The following HERC1 variants were observed in gnomAD, a reference collection of about 807,000 sequenced individuals.
HERC1 encodes the protein HECT and RLD domain containing E3 ubiquitin protein ligase family member 1.
A neutral mutation model predicts 554.3 loss-of-function variants in HERC1; 160 were observed. The observed-to-expected ratio is 0.29, with a 90% CI of 0.25 to 0.33. The LOEUF is 0.33. Ranked by LOEUF, HERC1 falls within the 10% of genes least tolerant of loss-of-function variation. The pLI is 1.00. For synonymous variants in HERC1, 2,175 were observed against 2,131.7 expected (o/e 1.02, Z -0.56); for missense variants, 4,919 against 5,918.5 (o/e 0.83, Z 5.54).
chr15:63,705,803 G>A (rs1400285814), intron 25 of HERC1, among the ~76,000 whole-genome samples: 4 of 152,110 alleles, frequency 2.6e-5, no homozygotes, highest in African/African-American at 9.7e-5. Flanking sequence ...GCCAAGGTGG[G>A]AGGACTGCTT....
Position 63,666,436 on chromosome 15 carries a change from G to A in HERC1, c.8243C>T (p.Pro2748Leu). The A allele has an allele frequency of 6.2e-7, 1 of 1,613,546 alleles. No homozygotes were observed. The highest frequency in any genetic ancestry group is 8.5e-7 in the Non-Finnish European group (1 of 1,179,688). The change falls in exon 41 of 78, where the codon CCT becomes CTT. Residue 2748 changes from proline (P) to leucine (L), a missense_variant. Coordinates refer to ENST00000443617, the MANE Select transcript of HERC1 (RefSeq NM_003922.4). ...SDPSSRLSTS[P>L]PPPAIAVPLL... The stretch of plus-strand genomic sequence containing the variant: ...GGGAACTGCAATTGCTGGAGGAGGA[G>A]GAGAAGTTGAAAGTCTACTGCTTGG...
intron 66 of HERC1, among the ~76,000 whole-genome samples, 151 bp from the exon 67 acceptor site, chr15:63,634,121 A>C (rs1046813141): frequency 1.3e-5 from 2 of 152,264 alleles, no homozygotes; most frequent in Non-Finnish European, 2.9e-5. Flanking sequence ...AATGTTAACC[A>C]AAGTAAGTCA....
intron 1 of HERC1, among the ~76,000 whole-genome samples, chr15:63,804,292 A>G (rs574945645): frequency 6.6e-6 from 1 of 152,346 alleles, no homozygotes; most frequent in South Asian, 2.1e-4. Context: ...TTGTCCTTCA[A>G]AAAGTATTGC....
At chr15:63,661,052 T>C in intron 45 of HERC1, 27 bp from the exon 46 acceptor site, 1 of 1,579,388 alleles carries the variant, frequency 6.3e-7, no homozygotes, top group Non-Finnish European at 8.7e-7. Context: ...GAACATTGCA[T>C]TTTTATATAA....
chr15:63,645,174 T>G, intron 56 of HERC1, 77 bp from the exon 57 acceptor site: 2 of 1,035,450 alleles, frequency 1.9e-6, no homozygotes, highest in East Asian at 4.7e-5. Context: ...TGCAATCAAT[T>G]AAGATCTGAT....
intron 11 of HERC1, among the ~76,000 whole-genome samples, 188 bp downstream of exon 11, chr15:63,747,536 T>C (rs2075099304): frequency 6.6e-6 from 1 of 152,318 alleles, no homozygotes; most frequent in South Asian, 2.1e-4. Context: ...AAGTAACTTT[T>C]TCCTAGAAGT....
chr15:63,833,357 G>A (rs1226857185), intron 1 of HERC1, among the ~76,000 whole-genome samples: 1 of 152,120 alleles, frequency 6.6e-6, no homozygotes, highest in African/African-American at 2.4e-5. Flanking sequence ...GCCGGCGCCT[G>A]GGGACACCGG....
At position 63,666,015 on chromosome 15, in the gene HERC1, C is replaced by G; in HGVS notation, c.8459G>C (p.Gly2820Ala). ...GGGATCATTTGACTTCCCGCCACTG[C>G]CTAGAACGGCTGCTCCAGGCCTAGA... is the stretch of plus-strand genomic sequence containing the variant. ...ADSRPGAAVL[G>A]SGGKSNDPCY... The change falls in exon 42 of 78, where the codon GGC becomes GCC. Residue 2820 changes from glycine to alanine, a missense_variant. Physicochemically the swap from Gly to Ala is moderately conservative, Grantham distance 60. Around this residue, in one of 11 missense-constraint regions of HERC1, gnomAD observed 1,963 missense variants for 2,228.6 expected, o/e 0.88. Transcript: ENST00000443617. 2 of 1,614,046 alleles carry G rather than the reference C, an allele frequency of 1.2e-6. No homozygotes were observed. Among genetic ancestry groups the G allele is most frequent in the African/African-American group, 2.7e-5 (2 of 75,068 alleles).
chr15:63,795,911 T>C (rs541742225), intron 1 of HERC1, among the ~76,000 whole-genome samples: 1 of 152,354 alleles, frequency 6.6e-6, no homozygotes, highest in African/African-American at 2.4e-5. Flanking sequence ...TGTGGAATGC[T>C]GAGAAAGGTA....
chr15:63,800,975 T>C (rs79732157), intron 1 of HERC1, among the ~76,000 whole-genome samples: 2,523 of 152,160 alleles, frequency 0.017, 66 homozygotes, highest in African/African-American at 0.058. Flanking sequence ...TAATCACCAA[T>C]GGTCAACGAT....
Position 63,674,394 on chromosome 15 carries a change from T to C in HERC1, c.7794A>G (p.Lys2598=), listed in dbSNP as rs2071094027. ...CTTCCAAAAGCCCATGAACCACTAATTTATAGATCATGGCTTGCGCTCGTT... is the reference window on the plus strand; with the variant it reads ...CTTCCAAAAGCCCATGAACCACTAACTTATAGATCATGGCTTGCGCTCGTT... The part of the protein sequence containing the change: ...DLERAQAMIY[K]LVVHGLLEDQ... The change falls in exon 38 of 78, where the codon AAA becomes AAG. Residue 2598 remains lysine, a synonymous_variant. Coordinates refer to ENST00000443617, the MANE Select transcript of HERC1 (RefSeq NM_003922.4). The C allele has an allele frequency of 1.9e-6, 3 of 1,613,658 alleles. No individual in the cohort carries two copies. The highest frequency in any genetic ancestry group is 2.5e-6 in the Non-Finnish European group (3 of 1,179,850).
intron 1 of HERC1, among the ~76,000 whole-genome samples, chr15:63,810,181 G>T (rs796881529): frequency 8.5e-5 from 13 of 152,218 alleles, no homozygotes; most frequent in African/African-American, 3.1e-4. Context: ...ACATACAAAA[G>T]AATTAAAAGC....
rs1220986870 is a variant in HERC1, at chr15:63,706,778, A to C, written c.4636+2T>G. The C allele has an allele frequency of 1.3e-6, 2 of 1,525,992 alleles. No homozygotes were observed. Among genetic ancestry groups the C allele is most frequent in the South Asian group, 2.4e-5 (2 of 81,944 alleles). The allele number at this position is 1,525,992 out of a possible 1,614,324, so 94.5% of individuals were successfully genotyped here. On this transcript the variant is annotated splice_donor_variant, in intron 25 of 77. Coordinates refer to ENST00000443617, the MANE Select transcript of HERC1 (RefSeq NM_003922.4). LOFTEE classifies it high-confidence loss of function. ...TACTATGTTCTTAATACTTACACTT[A>C]CCTCTCTTTCTGTGAGATGCTGCCA...
In HERC1 at chr15:63,612,228, G is replaced by A. The variant is rs940593686; in HGVS notation, c.14400+23C>T. On this transcript the variant is annotated intron_variant, in intron 77 of 77. Coordinates refer to ENST00000443617, the MANE Select transcript of HERC1 (RefSeq NM_003922.4). The surrounding 1 kb of genome is among the most constrained non-coding windows in gnomAD (Gnocchi z 5.0). ...GAAGCAATAAGGCAGACATTACAAA[G>A]GAAAAAAGAATAGCTTACTTACCCT... The A allele has an allele frequency of 1.1e-5, 17 of 1,567,488 alleles. No individual in the cohort carries two copies. Among genetic ancestry groups the A allele is most frequent in the Non-Finnish European group, 1.5e-5 (17 of 1,151,612 alleles).
chr15:63,666,585 T>G, intron 40 of HERC1, 113 bp from the exon 41 acceptor site: 1 of 671,500 alleles, frequency 1.5e-6, no homozygotes, highest in East Asian at 2.7e-5. Context: ...GAAATTTTCC[T>G]CTACTCAGAA....
At position 63,756,535 on chromosome 15, in the gene HERC1, C is replaced by T. The variant is rs2075425364; in HGVS notation, c.1435G>A (p.Val479Ile). ...HTLAFTTEGE[V>I]FSWGDGDYGK... ...TAATCACCATCTCCCCAACTGAAGACTTCTCCTTCTGTCGTAAAGGCTAAA... is the reference window on the plus strand; with the variant it reads ...TAATCACCATCTCCCCAACTGAAGATTTCTCCTTCTGTCGTAAAGGCTAAA... Residue 479 changes from valine (V) to isoleucine (I), a missense_variant, in exon 5 of 78, where the codon GTC becomes ATC. Transcript: ENST00000443617. The surrounding 1 kb of genome is among the most constrained non-coding windows in gnomAD (Gnocchi z 5.0). 3.7e-6 allele frequency: 6 copies of T among 1,613,628 alleles called. No individual in the cohort carries two copies. In the East Asian group the frequency reaches 8.9e-5, roughly 24 times the overall value.
rs191263852 is a variant in HERC1, at chr15:63,628,570, T to C, written c.13105+107A>G. The C allele has an allele frequency of 8.5e-6, 10 of 1,181,284 alleles. No individual in the cohort carries two copies. The Admixed American group carries it at 9.0e-5, about 11-fold the overall frequency. 73.2% of individuals were successfully genotyped at this position (1,181,284 alleles called of 1,614,324 possible). On this transcript the variant is annotated intron_variant, in intron 70 of 77. Transcript: ENST00000443617. Reference sequence around the variant, plus strand: ...ATGCTTTGTGTGGCAGAAGGCTTGATGGTTTCACAACGATGCTGGATACAG... The same window carrying C: ...ATGCTTTGTGTGGCAGAAGGCTTGACGGTTTCACAACGATGCTGGATACAG...
intron 1 of HERC1, among the ~76,000 whole-genome samples, chr15:63,832,800 T>C (rs1203643268): frequency 1.3e-5 from 2 of 152,036 alleles, no homozygotes; most frequent in Non-Finnish European, 2.9e-5. Context: ...GGAACAAATA[T>C]AGAATGAGGA....
intron 19 of HERC1, among the ~76,000 whole-genome samples, chr15:63,720,552 G>C (rs1368395659): frequency 6.6e-6 from 1 of 152,018 alleles, no homozygotes; most frequent in Non-Finnish European, 1.5e-5. Context: ...TTATATGCTG[G>C]TTTTCATTTC....
Sources: allele counts gnomAD v4.1 joint callset (sites outside exome capture counted in the v4.1 genomes callset), GRCh38; gene constraint gnomAD v4.1.1; regional missense constraint gnomAD v4.1.1; non-coding constraint Gnocchi (gnomAD v3.1); transcripts MANE v1.5; gene names NCBI Gene and HGNC (gene_info 2026-07-23, HGNC 2026-07-21).